Variants in KCNJ2 observed in about 807,000 individuals in gnomAD.
KCNJ2 encodes the protein inward rectifier potassium channel 2.
KCNJ2 carries 12 observed loss-of-function variants against 28.4 expected under a neutral mutation model. That is an observed-to-expected ratio of 0.42 (90% CI 0.27 to 0.68). The LOEUF (loss-of-function observed/expected upper bound fraction) is 0.68, where lower values mean the gene tolerates loss of function less well. Ranked by LOEUF, KCNJ2 falls within the 30% of genes least tolerant of loss-of-function variation. The pLI, the probability that KCNJ2 is intolerant of heterozygous loss-of-function variation, is 0.23. For synonymous variants in KCNJ2, 200 were observed against 203.2 expected (o/e 0.98, Z 0.13); for missense variants, 320 against 551.3 (o/e 0.58, Z 4.20).
intron 1 of KCNJ2, 38 bp downstream of exon 1, chr17:70,169,739 C>T: frequency 6.5e-6 from 1 of 153,714 alleles, no homozygotes. Context: ...TCGCTCGCTG[C>T]CGGTGTGTCC....
intron 1 of KCNJ2, among the ~76,000 whole-genome samples, chr17:70,173,180 A>C (rs1471957376): frequency 6.6e-6 from 1 of 152,248 alleles, no homozygotes; most frequent in Non-Finnish European, 1.5e-5. Context: ...GAAGAAGTCA[A>C]AAGACAGTAA....
chr17:70,175,140 A>G lies in KCNJ2; in HGVS notation c.101A>G (p.Lys34Arg), dbSNP rs772815957. 3.7e-6 allele frequency: 6 copies of G among 1,613,884 alleles called. No individual in the cohort carries two copies. The South Asian group carries it at 5.5e-5, about 15-fold the overall frequency. ...GTTGCAAATGGCTTTGGGAACGGGA[A>G]GAGTAAAGTCCACACCCGACAACAG... ...MAVANGFGNG[K>R]SKVHTRQQCR... Residue 34 changes from lysine (K) to arginine (R), a missense_variant, in exon 2 of 2, where the codon AAG becomes AGG. Transcript: ENST00000243457. The surrounding 1 kb of genome is among the most constrained non-coding windows in gnomAD (Gnocchi z 8.3).
At chr17:70,171,983 C>G (rs1245639733) in intron 1 of KCNJ2, among the ~76,000 whole-genome samples, 1 of 152,052 alleles carries the variant, frequency 6.6e-6, no homozygotes, top group South Asian at 2.1e-4. Context: ...TGAATATATG[C>G]TTGAAATAAA....
At chr17:70,172,159 C>T (rs2074368105) in intron 1 of KCNJ2, among the ~76,000 whole-genome samples, 1 of 151,884 alleles carries the variant, frequency 6.6e-6, no homozygotes, top group Non-Finnish European at 1.5e-5. Context: ...AATATTAAGA[C>T]CGTTACCCCA....
At position 70,169,532 on chromosome 17, in the gene KCNJ2, A is replaced by C. The variant is rs2074352898; in HGVS notation, c.-386A>C. The stretch of plus-strand genomic sequence containing the variant: ...GCCTCAAAAGAGCCCAGGATATTGC[A>C]GAGCGCACTGGAGCCCTGGCCAGCG... On this transcript the variant is annotated 5_prime_UTR_variant, in exon 1 of 2. Coordinates refer to ENST00000243457, the MANE Select transcript of KCNJ2 (RefSeq NM_000891.3). The C allele has an allele frequency of 6.6e-6, 1 of 152,232 alleles. No individual in the cohort carries two copies. Among genetic ancestry groups the C allele is most frequent in the Non-Finnish European group, 1.5e-5 (1 of 68,086 alleles). The allele number at this position is 152,232 out of a possible 1,614,324, so 9.4% of individuals were successfully genotyped here. A position where few individuals can be genotyped will look rare whatever the true frequency, so the allele number is the denominator to read the frequency against.
rs1470684052 is a variant in KCNJ2, at chr17:70,175,087, A to C, written c.48A>C (p.Glu16Asp). 1 of 1,614,236 alleles carries C rather than the reference A, an allele frequency of 6.2e-7. No individual in the cohort carries two copies. The change falls in exon 2 of 2, where the codon GAA becomes GAC. Residue 16 changes from glutamate (E) to aspartate (D), a missense_variant. This residue lies in a region of KCNJ2 where 54 missense variants were observed against 63.0 expected (regional missense o/e 0.86). Transcript: ENST00000243457. The surrounding 1 kb of genome is among the most constrained non-coding windows in gnomAD (Gnocchi z 8.3). Reference sequence around the variant, plus strand: ...GCTACAGCATCGTCTCTTCAGAAGAAGACGGTATGAAGTTGGCCACCATGG... The same window carrying C: ...GCTACAGCATCGTCTCTTCAGAAGACGACGGTATGAAGTTGGCCACCATGG... ...TNRYSIVSSE[E>D]DGMKLATMAV...
Position 70,175,860 on chromosome 17 carries a change from A to T in KCNJ2, c.821A>T (p.Asp274Val), listed in dbSNP as rs786205816. Residue 274 changes from aspartate to valine, a missense_variant, in exon 2 of 2, where the codon GAT becomes GTT. Transcript: ENST00000243457. The surrounding 1 kb of genome is among the most constrained non-coding windows in gnomAD (Gnocchi z 8.3). ...VSPITIVHEI[D>V]EDSPLYDLSK... Reference sequence around the variant, plus strand: ...CCAATCACTATAGTCCATGAAATAGATGAAGACAGTCCTTTATATGATTTG... The same window carrying T: ...CCAATCACTATAGTCCATGAAATAGTTGAAGACAGTCCTTTATATGATTTG... 6.2e-7 allele frequency: 1 copy of T among 1,614,216 alleles called. No homozygotes were observed. The highest frequency in any genetic ancestry group is 8.5e-7 in the Non-Finnish European group (1 of 1,180,032).
chr17:70,174,421 A>G (rs762409322), intron 1 of KCNJ2, among the ~76,000 whole-genome samples: 1 of 152,176 alleles, frequency 6.6e-6, no homozygotes, highest in Non-Finnish European at 1.5e-5. Context: ...CCTTTTTCCA[A>G]AAATTTTACG....
chr17:70,176,471 A>G lies in KCNJ2; in HGVS notation c.*148A>G, dbSNP rs1418608567. ...AGGCAAGCACAATGGTTTCAAAGAA[A>G]GACTGTAAGCTCCATGATTAGCATA... On this transcript the variant is annotated 3_prime_UTR_variant, in exon 2 of 2. Transcript: ENST00000243457. 2.7e-6 allele frequency: 2 copies of G among 739,016 alleles called. No individual in the cohort carries two copies. Among genetic ancestry groups the G allele is most frequent in the Non-Finnish European group, 4.9e-6 (2 of 407,374 alleles). 45.8% of individuals were successfully genotyped at this position (739,016 alleles called of 1,614,324 possible). A position where few individuals can be genotyped will look rare whatever the true frequency, so the allele number is the denominator to read the frequency against.
Position 70,179,461 on chromosome 17 carries a change from TAA to T in KCNJ2, c.*3139_*3140del, listed in dbSNP as rs1157155702. On this transcript the variant is annotated 3_prime_UTR_variant, in exon 2 of 2. Coordinates refer to ENST00000243457, the MANE Select transcript of KCNJ2 (RefSeq NM_000891.3). ...AGAAAGGAGTAGTTTTCTATCCCTC[TAA>T]GAGTATACTTGAATCAGACATTTTA... 6.0e-6 allele frequency: 1 copy of T among 166,888 alleles called. No homozygotes were observed. The highest frequency in any genetic ancestry group is 1.5e-5 in the Non-Finnish European group (1 of 68,098). The allele number at this position is 166,888 out of a possible 1,614,324, so 10.3% of individuals were successfully genotyped here. A position where few individuals can be genotyped will look rare whatever the true frequency, so the allele number is the denominator to read the frequency against.
Position 70,179,202 on chromosome 17 carries a change from C to T in KCNJ2, c.*2879C>T, listed in dbSNP as rs1411254177. 6.2e-6 allele frequency: 1 copy of T among 160,814 alleles called. No homozygotes were observed. The highest frequency in any genetic ancestry group is 7.1e-5 in the Admixed American group (1 of 13,990). 10.0% of individuals were successfully genotyped at this position (160,814 alleles called of 1,614,324 possible). ...GTCTCCTTAATTAATGTACACATGTCATTAGAATGCAGACGGAGGGGACTC... is the reference window on the plus strand; with the variant it reads ...GTCTCCTTAATTAATGTACACATGTTATTAGAATGCAGACGGAGGGGACTC... On this transcript the variant is annotated 3_prime_UTR_variant, in exon 2 of 2. Coordinates refer to ENST00000243457, the MANE Select transcript of KCNJ2 (RefSeq NM_000891.3).
Position 70,176,331 on chromosome 17 carries a change from AT to A in KCNJ2, c.*10del, listed in dbSNP as rs750011371. 59 of 1,612,112 alleles carry A rather than the reference AT, an allele frequency of 3.7e-5. No individual in the cohort carries two copies. The highest frequency in any genetic ancestry group is 4.8e-5 in the Non-Finnish European group (56 of 1,178,308). ...CGAGAGTCGGAGATATGACTGACTGATTCCTTCTCTGGAATAGTTACTTTAC... is the reference window on the plus strand; with the variant it reads ...CGAGAGTCGGAGATATGACTGACTGATCCTTCTCTGGAATAGTTACTTTAC... On this transcript the variant is annotated 3_prime_UTR_variant, in exon 2 of 2. Coordinates refer to ENST00000243457, the MANE Select transcript of KCNJ2 (RefSeq NM_000891.3).
Position 70,176,225 on chromosome 17 carries a change from G to A in KCNJ2, c.1186G>A (p.Glu396Lys). ...EEDDSENGVP[E>K]STSTDTPPDI... ...AGACGACAGTGAAAATGGAGTTCCA[G>A]AAAGCACTAGTACGGACACGCCCCC... Residue 396 changes from glutamate (E) to lysine (K), a missense_variant, in exon 2 of 2, where the codon GAA (glutamate) becomes AAA (lysine). Around this residue, in one of 3 missense-constraint regions of KCNJ2, gnomAD observed 155 missense variants for 231.6 expected, o/e 0.67. Coordinates refer to ENST00000243457, the MANE Select transcript of KCNJ2 (RefSeq NM_000891.3). The A allele has an allele frequency of 6.2e-7, 1 of 1,614,112 alleles. No homozygotes were observed. Among genetic ancestry groups the A allele is most frequent in the South Asian group, 1.1e-5 (1 of 91,084 alleles).
chr17:70,175,515 T>C lies in KCNJ2; in HGVS notation c.476T>C (p.Phe159Ser), dbSNP rs1236228202. ...ACGGATGAATGCCCAATTGCTGTTT[T>C]CATGGTGGTGTTCCAGTCAATCGTG... ...CVTDECPIAV[F>S]MVVFQSIVGC... The change falls in exon 2 of 2, where the codon TTC becomes TCC. Residue 159 changes from phenylalanine (F) to serine (S), a missense_variant. Physicochemically the swap from Phe to Ser is radical, Grantham distance 155 (BLOSUM62 -2). Coordinates refer to ENST00000243457, the MANE Select transcript of KCNJ2 (RefSeq NM_000891.3). The surrounding 1 kb of genome is among the most constrained non-coding windows in gnomAD (Gnocchi z 8.3). The C allele has an allele frequency of 7.4e-6, 12 of 1,614,110 alleles. No individual in the cohort carries two copies. Among genetic ancestry groups the C allele is most frequent in the Admixed American group, 3.3e-5 (2 of 60,008 alleles).
intron 1 of KCNJ2, among the ~76,000 whole-genome samples, chr17:70,170,466 G>T (rs548727523): frequency 6.6e-6 from 1 of 152,240 alleles, no homozygotes; most frequent in South Asian, 2.1e-4. Flanking sequence ...AAAAAAATAG[G>T]GATAGGGAAT....
rs2074408730 is a variant in KCNJ2 at position 70,178,541 on chromosome 17, A to G, written c.*2218A>G. The G allele has an allele frequency of 6.0e-6, 1 of 165,966 alleles. No individual in the cohort carries two copies. 10.3% of individuals were successfully genotyped at this position (165,966 alleles called of 1,614,324 possible). ...TAATCAAACCAAAGAGTATTCAGTGATATGTAAATTAAATGAAGATACAGT... is the reference window on the plus strand; with the variant it reads ...TAATCAAACCAAAGAGTATTCAGTGGTATGTAAATTAAATGAAGATACAGT... On this transcript the variant is annotated 3_prime_UTR_variant, in exon 2 of 2. Transcript: ENST00000243457.
At position 70,179,620 on chromosome 17, in the gene KCNJ2, G is replaced by A. The variant is rs894978518; in HGVS notation, c.*3297G>A. 1 of 166,286 alleles carries A rather than the reference G, an allele frequency of 6.0e-6. No homozygotes were observed. Among genetic ancestry groups the A allele is most frequent in the Non-Finnish European group, 1.5e-5 (1 of 68,072 alleles). The allele number at this position is 166,286 out of a possible 1,614,324, so 10.3% of individuals were successfully genotyped here. ...ACCAGTACACTCCTATCTCAACTCT[G>A]TTTATTTGATGAGTTCTGTCCCGTA... On this transcript the variant is annotated 3_prime_UTR_variant, in exon 2 of 2. Coordinates refer to ENST00000243457, the MANE Select transcript of KCNJ2 (RefSeq NM_000891.3).
chr17:70,171,770 T>A (rs1295923949), intron 1 of KCNJ2, among the ~76,000 whole-genome samples: 4 of 152,144 alleles, frequency 2.6e-5, no homozygotes, highest in Non-Finnish European at 4.4e-5. Context: ...CCTCTCAATT[T>A]CCCAAAAATA....
chr17:70,173,078 T>C (rs2074373402), intron 1 of KCNJ2, among the ~76,000 whole-genome samples: 1 of 152,188 alleles, frequency 6.6e-6, no homozygotes, highest in African/African-American at 2.4e-5. Flanking sequence ...TGTCAAAAGC[T>C]GCCAAAATGT....
Sources: allele counts gnomAD v4.1 joint callset (sites outside exome capture counted in the v4.1 genomes callset), GRCh38; gene constraint gnomAD v4.1.1; regional missense constraint gnomAD v4.1.1; non-coding constraint Gnocchi (gnomAD v3.1); transcripts MANE v1.5; gene names NCBI Gene and HGNC (gene_info 2026-07-23, HGNC 2026-07-21).